The following CPQ variants were observed in gnomAD, a reference collection of about 807,000 sequenced individuals.
CPQ encodes the protein Ser-Met dipeptidase.
Under a neutral mutation model 45.7 loss-of-function variants are expected in CPQ, and 37 were observed. That is an observed-to-expected ratio of 0.81 (90% CI 0.62 to 1.07). CPQ has a LOEUF of 1.07. CPQ is among the 50% of genes least tolerant of loss of function. The pLI is 0.00. For missense variants in CPQ, 537 were observed against 572.9 expected, an observed-to-expected ratio of 0.94 and a Z score of 0.64; for synonymous variants, 186 against 205.8, an observed-to-expected ratio of 0.90 and a Z score of 0.82.
chr8:96,881,154 T>C (rs1000554768), intron 4 of CPQ, among the ~76,000 whole-genome samples: 1 of 152,206 alleles, frequency 6.6e-6, no homozygotes, highest in East Asian at 1.9e-4. Flanking sequence ...TTTGCATATA[T>C]TTTCTGTATT....
chr8:96,979,656 T>C (rs991570620), intron 5 of CPQ, among the ~76,000 whole-genome samples: 1 of 152,108 alleles, frequency 6.6e-6, no homozygotes, highest in Non-Finnish European at 1.5e-5. Flanking sequence ...GATCGGACCT[T>C]TATGGTTAAC....
At chr8:96,977,905 T>C (rs1813815940) in intron 5 of CPQ, among the ~76,000 whole-genome samples, 1 of 152,142 alleles carries the variant, frequency 6.6e-6, no homozygotes, top group South Asian at 2.1e-4. Flanking sequence ...CACCAGAATC[T>C]CAGAAATTAC....
chr8:96,835,806 T>C (rs966684692), intron 3 of CPQ, among the ~76,000 whole-genome samples: 1 of 152,192 alleles, frequency 6.6e-6, no homozygotes, highest in African/African-American at 2.4e-5. Context: ...GATACTTAAT[T>C]ATCTGTAAAT....
chr8:96,656,132 G>C (rs1264821045), intron 1 of CPQ, among the ~76,000 whole-genome samples: 1 of 152,210 alleles, frequency 6.6e-6, no homozygotes, highest in Admixed American at 6.5e-5. Context: ...GGAATAACAG[G>C]CATAAGCCAC....
intron 7 of CPQ, among the ~76,000 whole-genome samples, chr8:97,078,371 T>G (rs1043122604): frequency 1.3e-5 from 2 of 152,188 alleles, no homozygotes; most frequent in Non-Finnish European, 2.9e-5. Flanking sequence ...GCTACTGGAT[T>G]GTTCATTGTT....
intron 1 of CPQ, among the ~76,000 whole-genome samples, chr8:96,726,226 A>G (rs1809837678): frequency 1.3e-5 from 2 of 152,118 alleles, no homozygotes; most frequent in Admixed American, 1.3e-4. Context: ...CTAAAATAAA[A>G]GAAGAAATTA....
chr8:96,661,200 AAAAAAGACTTTACTTTTTTTTG>A (rs1370417025), intron 1 of CPQ, among the ~76,000 whole-genome samples: 1 of 152,216 alleles, frequency 6.6e-6, no homozygotes, highest in African/African-American at 2.4e-5. Flanking sequence ...ACTTTTTTTT[AAAAAAGACTTTACTTTTTTTTG>A]AAAAGCAGTT....
intron 6 of CPQ, among the ~76,000 whole-genome samples, chr8:97,055,271 C>T (rs904755183): frequency 1.3e-5 from 2 of 152,158 alleles, no homozygotes; most frequent in African/African-American, 4.8e-5. Context: ...ATGTCTCACT[C>T]CCCTCTCTCC....
chr8:96,832,071 G>T (rs780104109), intron 2 of CPQ, among the ~76,000 whole-genome samples: 1 of 151,902 alleles, frequency 6.6e-6, no homozygotes, highest in Non-Finnish European at 1.5e-5. Context: ...TGTTTTTTGT[G>T]GTACTGTTGT....
chr8:97,127,546 A>C (rs1811868036), intron 7 of CPQ, among the ~76,000 whole-genome samples: 1 of 152,034 alleles, frequency 6.6e-6, no homozygotes, highest in South Asian at 2.1e-4. Flanking sequence ...AAAATTAGCC[A>C]GGCGTGGTGG....
chr8:96,999,208 T>G (rs1269729116), intron 5 of CPQ, among the ~76,000 whole-genome samples: 2 of 151,996 alleles, frequency 1.3e-5, no homozygotes, highest in Middle Eastern at 3.4e-3. Flanking sequence ...CCCAAAATTT[T>G]TAAATACTCC....
intron 4 of CPQ, among the ~76,000 whole-genome samples, chr8:96,896,331 C>G (rs1177657673): frequency 6.6e-6 from 1 of 152,054 alleles, no homozygotes; most frequent in African/African-American, 2.4e-5. Flanking sequence ...GCCAGTAGTC[C>G]TTGAATCTGG....
intron 4 of CPQ, among the ~76,000 whole-genome samples, chr8:96,959,545 G>A (rs1813415890): frequency 6.6e-6 from 1 of 151,934 alleles, no homozygotes; most frequent in South Asian, 2.1e-4. Flanking sequence ...TGACCCTAAC[G>A]CTCACTGCTG....
chr8:97,101,978 C>CTCT (rs1563580597), intron 7 of CPQ, among the ~76,000 whole-genome samples: 1 of 145,212 alleles, frequency 6.9e-6, no homozygotes, highest in African/African-American at 2.6e-5. Flanking sequence ...CTCTCTCTCT[C>CTCT]CTGATAGCTC....
Position 97,044,125 on chromosome 8 carries a change from C to G in CPQ, c.1053+14631C>G, listed in dbSNP as rs192341027. On this transcript the variant is annotated intron_variant, in intron 6 of 7. Transcript: ENST00000220763. ...GCCTGTCACTTTCAGGTACACCAAT[C>G]AGACGTAGATTTGGTCTTTTCACAT... 5.5e-3 allele frequency among the ~76,000 whole-genome samples: 842 copies of G among 152,346 alleles called. 4 individuals carry two copies. Among genetic ancestry groups the G allele is most frequent in the Middle Eastern group, 0.01 (3 of 294 alleles).
chr8:96,971,439 G>A (rs1252067655), intron 5 of CPQ, among the ~76,000 whole-genome samples: 1 of 152,162 alleles, frequency 6.6e-6, no homozygotes, highest in Non-Finnish European at 1.5e-5. Context: ...ACTCTATCAG[G>A]TTTTTCATGG....
intron 5 of CPQ, among the ~76,000 whole-genome samples, chr8:96,971,122 A>C (rs1387862277): frequency 6.6e-6 from 1 of 152,220 alleles, no homozygotes; most frequent in Non-Finnish European, 1.5e-5. Context: ...GAACTGAGTA[A>C]GGATACAAGA....
chr8:97,039,738 G>GT (rs1291101117), intron 6 of CPQ, among the ~76,000 whole-genome samples: 3 of 151,842 alleles, frequency 2.0e-5, no homozygotes, highest in African/African-American at 7.3e-5. Context: ...GTGGTGTTTG[G>GT]TTTTTTGTCC....
chr8:96,652,793 C>T (rs1038234146), intron 1 of CPQ, among the ~76,000 whole-genome samples: 33 of 152,178 alleles, frequency 2.2e-4, no homozygotes, highest in African/African-American at 7.5e-4. Flanking sequence ...CCACCATGCC[C>T]GGCTAATTTT....
Sources: gnomAD v4.1 joint callset for allele counts (sites outside exome capture counted in the v4.1 genomes callset) on GRCh38, gnomAD v4.1.1 for gene constraint, MANE v1.5 for transcripts, NCBI Gene and HGNC (gene_info 2026-07-23, HGNC 2026-07-21) for gene names.